TTC27: variants seen among roughly 807,000 people sequenced by gnomAD.
TTC27 encodes the protein tetratricopeptide repeat protein 27.
A neutral mutation model predicts 115.9 loss-of-function variants in TTC27; 79 were observed. The ratio of observed to expected loss-of-function variants is 0.68; its 90% CI spans 0.57 to 0.82. The LOEUF is 0.82. TTC27 is among the 40% of genes least tolerant of loss of function. The pLI is 0.00. For missense variants in TTC27, 1,054 were observed against 993.1 expected (o/e 1.06, Z -0.82); for synonymous variants, 401 against 356.0 (o/e 1.13, Z -1.42).
In TTC27 at chr2:32,811,089, T is replaced by C. The variant is rs370156675; in HGVS notation, c.2064T>C (p.Thr688=). The C allele has an allele frequency of 2.0e-5, 32 of 1,614,178 alleles. No individual in the cohort carries two copies. In the East Asian group the frequency reaches 6.9e-4, roughly 35 times the overall value. The change falls in exon 17 of 20, where the codon ACT becomes ACC. Residue 688 remains threonine (T), a synonymous_variant. Coordinates refer to ENST00000317907, the MANE Select transcript of TTC27 (RefSeq NM_017735.5). ...CTGATCGAAGTGGAGATGTTGCAACTGGCCTCAAAGGAAAGCTGCAGGAGT... is the reference window on the plus strand; with the variant it reads ...CTGATCGAAGTGGAGATGTTGCAACCGGCCTCAAAGGAAAGCTGCAGGAGT... The part of the protein sequence containing the change: ...GMTDRSGDVA[T]GLKGKLQELF...
chr2:32,705,040 A>G (rs1413368939), intron 10 of TTC27: 4 of 413,314 alleles, frequency 9.7e-6, no homozygotes, highest in Non-Finnish European at 2.0e-5. Context: ...TCTTGTTGAA[A>G]TGTGATTCCC....
At position 32,820,919 on chromosome 2, in the gene TTC27, A is replaced by G. The variant is rs902149938; in HGVS notation, c.2513A>G (p.Gln838Arg). 3 of 1,524,656 alleles carry G rather than the reference A, an allele frequency of 2.0e-6. No homozygotes were observed. Among genetic ancestry groups the G allele is most frequent in the Non-Finnish European group, 2.7e-6 (3 of 1,130,348 alleles). 94.4% of individuals were successfully genotyped at this position (1,524,656 alleles called of 1,614,324 possible). A position where few individuals can be genotyped will look rare whatever the true frequency, so the allele number is the denominator to read the frequency against. ...LVTELQDLSN[Q>R]FRNQY ...ACAGAGCTCCAAGACCTAAGCAACCAGTTTCGAAATCAGTATTGATTCTGC... is the reference window on the plus strand; with the variant it reads ...ACAGAGCTCCAAGACCTAAGCAACCGGTTTCGAAATCAGTATTGATTCTGC... Residue 838 changes from glutamine to arginine, a missense_variant, in exon 20 of 20, where the codon CAG (glutamine) becomes CGG (arginine). Coordinates refer to ENST00000317907, the MANE Select transcript of TTC27 (RefSeq NM_017735.5).
At chr2:32,642,720 T>C (rs1407449233) in intron 4 of TTC27, among the ~76,000 whole-genome samples, 1 of 151,958 alleles carries the variant, frequency 6.6e-6, no homozygotes, top group African/African-American at 2.4e-5. Context: ...CAGGCTGGAG[T>C]GCAGTGGCAT....
chr2:32,629,902 T>G (rs1250839448), intron 1 of TTC27, among the ~76,000 whole-genome samples: 1 of 152,192 alleles, frequency 6.6e-6, no homozygotes, highest in Non-Finnish European at 1.5e-5. Context: ...TGTGTGTGTG[T>G]GTGGGCACTT....
At chr2:32,743,366 T>A (rs375990009) in intron 12 of TTC27, among the ~76,000 whole-genome samples, 1 of 152,164 alleles carries the variant, frequency 6.6e-6, no homozygotes, top group African/African-American at 2.4e-5. Flanking sequence ...AGGCTCAACT[T>A]AATTTTTCAC....
intron 12 of TTC27, among the ~76,000 whole-genome samples, chr2:32,751,368 T>G (rs1157352293): frequency 2.0e-5 from 3 of 151,980 alleles, no homozygotes; most frequent in Admixed American, 1.3e-4. Flanking sequence ...TATGCAGTGT[T>G]GCTTTGAGTT....
chr2:32,706,647 C>T (rs1205624195), intron 10 of TTC27, among the ~76,000 whole-genome samples: 1 of 152,054 alleles, frequency 6.6e-6, no homozygotes. Context: ...TCACTGCAAC[C>T]TCTGCCTCCC....
chr2:32,710,898 G>A (rs899542455), intron 10 of TTC27, among the ~76,000 whole-genome samples: 3 of 151,464 alleles, frequency 2.0e-5, no homozygotes, highest in Admixed American at 6.6e-5. Flanking sequence ...TGGATCACTT[G>A]AGGTTGGGAG....
intron 9 of TTC27, among the ~76,000 whole-genome samples, chr2:32,698,581 G>A (rs1002222884): frequency 2.0e-5 from 3 of 149,920 alleles, no homozygotes; most frequent in Non-Finnish European, 4.4e-5. Context: ...CCGGGTTCAC[G>A]CCATTCTCCT....
At chr2:32,707,772 A>G (rs1667428523) in intron 10 of TTC27, among the ~76,000 whole-genome samples, 1 of 152,172 alleles carries the variant, frequency 6.6e-6, no homozygotes, top group South Asian at 2.1e-4. Context: ...GAGAGGGCCT[A>G]GAAGCATTTA....
chr2:32,806,758 C>T (rs1671144594), intron 16 of TTC27, among the ~76,000 whole-genome samples: 1 of 151,868 alleles, frequency 6.6e-6, no homozygotes, highest in Admixed American at 6.6e-5. Flanking sequence ...TCCAGCTTGA[C>T]CGACAGCGAG....
At chr2:32,628,414 G>C (rs888595593) in intron 1 of TTC27, 34 bp downstream of exon 1, 22 of 1,517,762 alleles carry the variant, frequency 1.4e-5, no homozygotes, top group Non-Finnish European at 1.9e-5. Flanking sequence ...TTAGGCTATC[G>C]TGGGAACTGT....
chr2:32,801,580 G>T (rs534779836), intron 16 of TTC27, among the ~76,000 whole-genome samples: 183 of 152,328 alleles, frequency 1.2e-3, no homozygotes, highest in African/African-American at 4.3e-3. Context: ...GGGTGCACGT[G>T]AATTTTGGGG....
chr2:32,814,684 G>C (rs1671438506), intron 18 of TTC27, among the ~76,000 whole-genome samples: 1 of 152,180 alleles, frequency 6.6e-6, no homozygotes, highest in African/African-American at 2.4e-5. Context: ...CCAATGTTTA[G>C]ATAGACAAAT....
In TTC27 at chr2:32,629,559, C is replaced by G. The variant is rs1572453359; in HGVS notation, c.89-964C>G. ...ACGCCATTCTCCTGCCTCAGCCTCCCGAGTAGCTGGGACTAAAGGCGCCTG... is the reference window on the plus strand; with the variant it reads ...ACGCCATTCTCCTGCCTCAGCCTCCGGAGTAGCTGGGACTAAAGGCGCCTG... On this transcript the variant is annotated intron_variant, in intron 1 of 19. Coordinates refer to ENST00000317907, the MANE Select transcript of TTC27 (RefSeq NM_017735.5). Among the ~76,000 whole-genome samples the G allele has an allele frequency of 3.9e-5, 6 of 152,192 alleles. No homozygotes were observed. The South Asian group carries it at 1.2e-3, about 32-fold the overall frequency.
chr2:32,682,847 GTTTTTTTTT>G (rs70938360), intron 9 of TTC27, among the ~76,000 whole-genome samples: 2 of 49,786 alleles, frequency 4.0e-5, no homozygotes, highest in Non-Finnish European at 6.3e-5. Flanking sequence ...TTTTATTGTT[GTTTTTTTTT>G]TTTTTTTTTT....
intron 1 of TTC27, among the ~76,000 whole-genome samples, chr2:32,628,922 G>A (rs2063535741): frequency 6.6e-6 from 1 of 151,324 alleles, no homozygotes; most frequent in African/African-American, 2.4e-5. Flanking sequence ...CACCACGCCC[G>A]GCTAATTTTG....
chr2:32,631,078 C>T (rs771197944), intron 2 of TTC27, among the ~76,000 whole-genome samples: 9 of 152,064 alleles, frequency 5.9e-5, no homozygotes, highest in Non-Finnish European at 7.4e-5. Flanking sequence ...CCGAGGCGGG[C>T]GGATCACATG....
At chr2:32,683,540 A>G (rs776400553) in intron 9 of TTC27, among the ~76,000 whole-genome samples, 90 of 152,162 alleles carry the variant, frequency 5.9e-4, no homozygotes, top group Non-Finnish European at 7.6e-4. Context: ...TGCTGGGAAA[A>G]TGTTTTAATT....
Sources: allele counts gnomAD v4.1 joint callset (sites outside exome capture counted in the v4.1 genomes callset), GRCh38; gene constraint gnomAD v4.1.1; transcripts MANE v1.5; gene names NCBI Gene and HGNC (gene_info 2026-07-23, HGNC 2026-07-21).